The following IQCJ variants were observed in gnomAD, a reference collection of about 807,000 sequenced individuals.
IQCJ encodes IQ motif containing J.
Under a neutral mutation model 11.0 loss-of-function variants are expected in IQCJ, and 9 were observed. That is an observed-to-expected ratio of 0.82 (90% CI 0.49 to 1.43). The LOEUF (loss-of-function observed/expected upper bound fraction) is 1.43. Ranked by LOEUF, IQCJ falls within the 40% of genes most tolerant of loss-of-function variation. IQCJ has a pLI of 0.00. For missense variants in IQCJ, 146 were observed against 133.2 expected, an observed-to-expected ratio of 1.10 and a Z score of -0.47; for synonymous variants, 55 against 51.3, an observed-to-expected ratio of 1.07 and a Z score of -0.31.
At chr3:159,225,642 C>T (rs1384069450) in intron 1 of IQCJ, among the ~76,000 whole-genome samples, 1 of 151,998 alleles carries the variant, frequency 6.6e-6, no homozygotes, top group Non-Finnish European at 1.5e-5. Flanking sequence ...AGTCACAACA[C>T]TTCTGACACC....
intron 1 of IQCJ, among the ~76,000 whole-genome samples, chr3:159,073,988 A>G (rs894841948): frequency 3.3e-5 from 5 of 152,134 alleles, no homozygotes; most frequent in African/African-American, 1.2e-4. Flanking sequence ...GCAGAATCAG[A>G]TGATTTGGAG....
chr3:159,191,604 T>C (rs779632375), intron 1 of IQCJ, among the ~76,000 whole-genome samples: 1 of 152,188 alleles, frequency 6.6e-6, no homozygotes, highest in Non-Finnish European at 1.5e-5. Flanking sequence ...AGTGAGTTCA[T>C]GCAGAGGGTT....
intron 1 of IQCJ, among the ~76,000 whole-genome samples, chr3:159,119,833 C>CT: frequency 6.6e-6 from 1 of 152,274 alleles, no homozygotes; most frequent in East Asian, 1.9e-4. Context: ...GGGCTTTGGG[C>CT]TTCCCCACCT....
intron 1 of IQCJ, among the ~76,000 whole-genome samples, chr3:159,136,806 G>T (rs1210769132): frequency 1.3e-5 from 2 of 152,220 alleles, no homozygotes; most frequent in Non-Finnish European, 2.9e-5. Flanking sequence ...TTTTTGCAGA[G>T]ACACAAACAT....
At chr3:159,169,863 G>A (rs898218097) in intron 1 of IQCJ, among the ~76,000 whole-genome samples, 9 of 151,992 alleles carry the variant, frequency 5.9e-5, no homozygotes, top group Non-Finnish European at 1.3e-4. Context: ...TGGTTTATAG[G>A]GGTGAAGTTT....
intron 1 of IQCJ, among the ~76,000 whole-genome samples, chr3:159,106,119 T>C (rs934458851): frequency 1.3e-5 from 2 of 151,800 alleles, no homozygotes; most frequent in African/African-American, 2.4e-5. Flanking sequence ...GAGAATGGAA[T>C]TGGGGAGGTG....
chr3:159,215,386 T>C lies in IQCJ; in HGVS notation c.10-30457T>C, dbSNP rs1286785358. 2.6e-5 allele frequency among the ~76,000 whole-genome samples: 4 copies of C among 152,182 alleles called. No homozygotes were observed. The East Asian group carries it at 7.7e-4, about 29-fold the overall frequency. ...CAGGTGAAGGTCAGAAAGTTCTTTC[T>C]GCATGCTGTTTCTCATATTCCTTCA... On this transcript the variant is annotated intron_variant, in intron 1 of 3. Coordinates refer to ENST00000397832, the MANE Select transcript of IQCJ (RefSeq NM_001042706.3).
chr3:159,087,596 T>G lies in IQCJ; in HGVS notation c.9+18155T>G, dbSNP rs759510915. Among the ~76,000 whole-genome samples, 1,172 of 148,038 alleles carry G rather than the reference T, an allele frequency of 7.9e-3. 8 individuals carry two copies. The highest frequency in any genetic ancestry group is 0.027 in the African/African-American group (1,116 of 40,734). On this transcript the variant is annotated intron_variant, in intron 1 of 3. Coordinates refer to ENST00000397832, the MANE Select transcript of IQCJ (RefSeq NM_001042706.3). ...TATTGATTATTGCCACAATTTCAGATCCTGTTATTGGTCTATTCAGAGATT... is the reference window on the plus strand; with the variant it reads ...TATTGATTATTGCCACAATTTCAGAGCCTGTTATTGGTCTATTCAGAGATT...
intron 1 of IQCJ, among the ~76,000 whole-genome samples, chr3:159,138,558 A>T (rs2108175222): frequency 6.6e-6 from 1 of 152,364 alleles, no homozygotes; most frequent in South Asian, 2.1e-4. Flanking sequence ...GTGTGTTTAG[A>T]CATACCTGTA....
At chr3:159,226,347 T>C (rs1267934026) in intron 1 of IQCJ, among the ~76,000 whole-genome samples, 1 of 152,134 alleles carries the variant, frequency 6.6e-6, no homozygotes, top group Non-Finnish European at 1.5e-5. Flanking sequence ...TGAAGGACAC[T>C]CATCACTGTG....
intron 1 of IQCJ, among the ~76,000 whole-genome samples, chr3:159,130,147 C>A (rs1236731132): frequency 1.3e-5 from 2 of 152,146 alleles, no homozygotes; most frequent in Non-Finnish European, 2.9e-5. Flanking sequence ...TGTATCATTT[C>A]AAGAATGTTA....
chr3:159,141,236 A>G (rs1720585958), intron 1 of IQCJ, among the ~76,000 whole-genome samples: 1 of 152,232 alleles, frequency 6.6e-6, no homozygotes, highest in African/African-American at 2.4e-5. Context: ...AGAAGATCAT[A>G]TGCAGAGGTG....
chr3:159,170,831 C>T (rs967450031), intron 1 of IQCJ, among the ~76,000 whole-genome samples: 1 of 152,056 alleles, frequency 6.6e-6, no homozygotes, highest in Non-Finnish European at 1.5e-5. Flanking sequence ...TTTCTCATAG[C>T]CCAAGTTAAA....
intron 1 of IQCJ, among the ~76,000 whole-genome samples, chr3:159,225,095 A>G (rs1179923924): frequency 3.3e-5 from 5 of 152,234 alleles, no homozygotes; most frequent in Admixed American, 3.3e-4. Flanking sequence ...ATAAAGCTAT[A>G]TCTATTGATA....
chr3:159,178,245 A>G (rs555094692), intron 1 of IQCJ, among the ~76,000 whole-genome samples: 2 of 152,330 alleles, frequency 1.3e-5, no homozygotes, highest in East Asian at 1.9e-4. Context: ...ATGGCTTGCT[A>G]CTAGCAGCAA....
At chr3:159,117,458 T>A (rs2108133420) in intron 1 of IQCJ, among the ~76,000 whole-genome samples, 1 of 152,366 alleles carries the variant, frequency 6.6e-6, no homozygotes, top group South Asian at 2.1e-4. Context: ...TCCCGTTTAG[T>A]CCTTTCACTT....
chr3:159,195,797 A>G (rs1723950835), intron 1 of IQCJ, among the ~76,000 whole-genome samples: 1 of 152,224 alleles, frequency 6.6e-6, no homozygotes, highest in Admixed American at 6.5e-5. Flanking sequence ...GAGAAGAAAA[A>G]GGAAAATTAG....
chr3:159,243,560 A>C (rs1286592657), intron 1 of IQCJ, among the ~76,000 whole-genome samples: 1 of 151,804 alleles, frequency 6.6e-6, no homozygotes, highest in South Asian at 2.1e-4. Context: ...GAACAGGCAA[A>C]ACTAATCTAC....
chr3:159,079,001 G>T (rs549134628), intron 1 of IQCJ, among the ~76,000 whole-genome samples: 1 of 152,218 alleles, frequency 6.6e-6, no homozygotes, highest in South Asian at 2.1e-4. Flanking sequence ...CAGGGTCCAG[G>T]TCATTGTGGC....
Sources: allele counts gnomAD v4.1 joint callset (sites outside exome capture counted in the v4.1 genomes callset), GRCh38; gene constraint gnomAD v4.1.1; transcripts MANE v1.5; gene names NCBI Gene and HGNC (gene_info 2026-07-23, HGNC 2026-07-21).